The following SYNE2 variants were observed in gnomAD, a reference collection of about 807,000 sequenced individuals.
SYNE2 encodes spectrin repeat containing nuclear envelope protein 2.
In SYNE2, 431 loss-of-function variants were observed where a neutral mutation model predicts 856.3. The ratio of observed to expected loss-of-function variants is 0.50; its 90% CI spans 0.47 to 0.55. The LOEUF is 0.55. Among genes scored for constraint, SYNE2 ranks in the 20% least tolerant of loss-of-function variants. The pLI is 0.00. For synonymous variants in SYNE2, 2,923 were observed against 2,872.3 expected, an observed-to-expected ratio of 1.02 and a Z score of -0.56; for missense variants, 8,129 against 8,023.2, an observed-to-expected ratio of 1.01 and a Z score of -0.50.
chr14:64,088,817 C>T (rs1397858831), intron 58 of SYNE2, among the ~76,000 whole-genome samples: 4 of 152,194 alleles, frequency 2.6e-5, no homozygotes, highest in Admixed American at 1.3e-4. Flanking sequence ...ACATTCCCTA[C>T]ACCACACTCA....
intron 53 of SYNE2, 79 bp from the exon 54 acceptor site, chr14:64,075,866 C>A: frequency 6.7e-7 from 1 of 1,502,546 alleles, no homozygotes; most frequent in Non-Finnish European, 9.2e-7. Context: ...TAAGGATGTG[C>A]TGGAAGGCTG....
At chr14:63,879,115 C>G (rs2094797604) in intron 1 of SYNE2, among the ~76,000 whole-genome samples, 1 of 152,048 alleles carries the variant, frequency 6.6e-6, no homozygotes, top group South Asian at 2.1e-4. Context: ...GCCTCATAAG[C>G]CAAGAAGACT....
chr14:64,214,076 T>C (rs533728565), intron 105 of SYNE2, 118 bp from the exon 106 acceptor site: 1 of 1,492,394 alleles, frequency 6.7e-7, no homozygotes, highest in Admixed American at 1.9e-5. Context: ...TAAAGCTGCC[T>C]TAGAAATACT....
intron 1 of SYNE2, among the ~76,000 whole-genome samples, chr14:63,775,227 G>A (rs8003973): frequency 0.02 from 3,107 of 151,932 alleles, 122 homozygotes; most frequent in African/African-American, 0.072. Flanking sequence ...CCACCACCTC[G>A]GCCTCCCAAA....
At chr14:64,183,283 G>A (rs1186729426) in intron 96 of SYNE2, among the ~76,000 whole-genome samples, 3 of 149,294 alleles carry the variant, frequency 2.0e-5, no homozygotes, top group Admixed American at 6.6e-5. Flanking sequence ...AGACAGGGTG[G>A]CGGCCGGGCA....
chr14:64,083,178 G>A (rs1357525400), intron 57 of SYNE2, among the ~76,000 whole-genome samples: 2 of 151,816 alleles, frequency 1.3e-5, no homozygotes, highest in Non-Finnish European at 1.5e-5. Flanking sequence ...TTTTTCTTAC[G>A]GTAACAGTTG....
chr14:64,082,670 G>C (rs182753669), intron 57 of SYNE2, among the ~76,000 whole-genome samples: 1 of 152,176 alleles, frequency 6.6e-6, no homozygotes. Context: ...GTGGCTCCCT[G>C]TAAGGAGGAC....
intron 51 of SYNE2, among the ~76,000 whole-genome samples, chr14:64,068,576 T>C (rs1049567595): frequency 1.2e-4 from 18 of 152,050 alleles, no homozygotes; most frequent in African/African-American, 2.4e-4. Context: ...CTAATAAAAA[T>C]TGTGGCCAGG....
At chr14:63,950,763 C>T (rs2096140477) in intron 7 of SYNE2, among the ~76,000 whole-genome samples, 1 of 151,932 alleles carries the variant, frequency 6.6e-6, no homozygotes, top group Non-Finnish European at 1.5e-5. Flanking sequence ...CTCAATTGAT[C>T]CTTCCACCTT....
intron 21 of SYNE2, among the ~76,000 whole-genome samples, chr14:63,991,946 T>C (rs1294515900): frequency 8.5e-6 from 1 of 117,894 alleles, no homozygotes; most frequent in Non-Finnish European, 1.7e-5. Flanking sequence ...TCTGTCTGTC[T>C]TCTGGGCCTC....
intron 2 of SYNE2, among the ~76,000 whole-genome samples, chr14:63,930,478 TG>T (rs2095736344): frequency 6.6e-6 from 1 of 151,882 alleles, no homozygotes. Context: ...TTCCAGACCT[TG>T]CCCTCTGTAC....
At chr14:63,986,755 T>G in intron 19 of SYNE2, 138 bp downstream of exon 19, 1 of 961,154 alleles carries the variant, frequency 1.0e-6, no homozygotes, top group Non-Finnish European at 1.6e-6. Flanking sequence ...AATGAATGGA[T>G]TTTATCCCTG....
rs754633955 is a variant in SYNE2 at position 64,053,408 on chromosome 14, A to T, written c.9495A>T (p.Leu3165Phe). The T allele has an allele frequency of 6.2e-7, 1 of 1,612,848 alleles. No individual in the cohort carries two copies. The highest frequency in any genetic ancestry group is 1.3e-5 in the African/African-American group (1 of 74,862). The change falls in exon 48 of 116, where the codon TTA (leucine) becomes TTT (phenylalanine). Residue 3165 changes from leucine (L) to phenylalanine (F), a missense_variant. By Grantham distance (22) the Leu-to-Phe change is conservative. This residue lies in a region of SYNE2 where 5,410 missense variants were observed against 5,284.8 expected (regional missense o/e 1.02). Transcript: ENST00000555002. ...QDKLETSLHV[L>F]NQIKSQLQQP... Reference sequence around the variant, plus strand: ...AACTAGAAACTTCCTTACATGTTTTAAATCAGATAAAATCTCAATTACAGC... The same window carrying T: ...AACTAGAAACTTCCTTACATGTTTTTAATCAGATAAAATCTCAATTACAGC...
chr14:63,940,691 C>G lies in SYNE2; in HGVS notation c.141+16C>G. 1 of 1,612,726 alleles carries G rather than the reference C, an allele frequency of 6.2e-7. No individual in the cohort carries two copies. Among genetic ancestry groups the G allele is most frequent in the Non-Finnish European group, 8.5e-7 (1 of 1,178,802 alleles). On this transcript the variant is annotated intron_variant, in intron 3 of 115. Coordinates refer to ENST00000555002, the MANE Select transcript of SYNE2 (RefSeq NM_182914.3). ...GTTGGCCAGGGTAAGCAAATGAAGA[C>G]CAAATTAGTTTATAAATCTATTTAT... is the stretch of plus-strand genomic sequence containing the variant.
At chr14:63,922,861 C>G (rs1375744745) in intron 2 of SYNE2, among the ~76,000 whole-genome samples, 3 of 152,124 alleles carry the variant, frequency 2.0e-5, no homozygotes, top group Non-Finnish European at 4.4e-5. Context: ...AACAATAACC[C>G]TGAGTAATTT....
intron 6 of SYNE2, among the ~76,000 whole-genome samples, chr14:63,945,964 A>C (rs539101227): frequency 6.6e-6 from 1 of 152,320 alleles, no homozygotes; most frequent in African/African-American, 2.4e-5. Context: ...GTGTCAGAAC[A>C]TATGATCTTT....
rs182612725 is a variant in SYNE2, at chr14:64,107,032, T to G, written c.12493-459T>G. 9.2e-5 allele frequency among the ~76,000 whole-genome samples: 14 copies of G among 152,332 alleles called. No individual in the cohort carries two copies. In the East Asian group the frequency reaches 2.7e-3, roughly 29 times the overall value. On this transcript the variant is annotated intron_variant, in intron 64 of 115. Coordinates refer to ENST00000555002, the MANE Select transcript of SYNE2 (RefSeq NM_182914.3). ...ATCATATAATTAATTGATTAATTAT[T>G]TTGATAGAGACAGGGTCTTACCATG...
At chr14:64,048,452 A>G in intron 46 of SYNE2, 1 of 238,438 alleles carries the variant, frequency 4.2e-6, no homozygotes, top group South Asian at 8.0e-5. Context: ...TTACAAGTAT[A>G]TATTCTTCTG....
In SYNE2 at chr14:64,225,692, T is replaced by G. The variant is rs1267126992; in HGVS notation, c.*166T>G. Reference sequence around the variant, plus strand: ...GGCTCCCTGGAGCCCAGGGCAGCTTTCAGATTGTGTTCCTCCCCAGGAGCA... The same window carrying G: ...GGCTCCCTGGAGCCCAGGGCAGCTTGCAGATTGTGTTCCTCCCCAGGAGCA... On this transcript the variant is annotated 3_prime_UTR_variant, in exon 116 of 116. Transcript: ENST00000555002. The G allele has an allele frequency of 1.3e-6, 1 of 765,336 alleles. No homozygotes were observed. The highest frequency in any genetic ancestry group is 1.7e-5 in the African/African-American group (1 of 57,810). 47.4% of individuals were successfully genotyped at this position (765,336 alleles called of 1,614,324 possible).
Sources: gnomAD v4.1 joint callset for allele counts (sites outside exome capture counted in the v4.1 genomes callset) on GRCh38, gnomAD v4.1.1 for gene constraint, gnomAD v4.1.1 regional missense constraint, MANE v1.5 for transcripts, NCBI Gene and HGNC (gene_info 2026-07-23, HGNC 2026-07-21) for gene names.